RAD54B: variants seen among roughly 807,000 people sequenced by gnomAD.
The protein encoded by RAD54B is DNA repair and recombination protein RAD54B.
In RAD54B, 78 loss-of-function variants were observed where a neutral mutation model predicts 95.8. The ratio of observed to expected loss-of-function variants is 0.81; its 90% CI spans 0.68 to 0.98. The LOEUF (loss-of-function observed/expected upper bound fraction) is 0.98. Among genes scored for constraint, RAD54B ranks in the 50% least tolerant of loss-of-function variants. The pLI is 0.00. For missense variants in RAD54B, 957 were observed against 1,056.6 expected, an observed-to-expected ratio of 0.91 and a Z score of 1.31; for synonymous variants, 328 against 354.9, an observed-to-expected ratio of 0.92 and a Z score of 0.85.
rs1053043394 is a variant in RAD54B, at chr8:94,431,800, A to G, written c.305-20485T>C. The G allele has an allele frequency of 9.9e-6, 10 of 1,006,860 alleles. No homozygotes were observed. In the Admixed American group the frequency reaches 1.6e-4, roughly 17 times the overall value. 62.4% of individuals were successfully genotyped at this position (1,006,860 alleles called of 1,614,324 possible). A position where few individuals can be genotyped will look rare whatever the true frequency, so the allele number is the denominator to read the frequency against. On this transcript the variant is annotated intron_variant, in intron 3 of 14. Coordinates refer to ENST00000336148, the MANE Select transcript of RAD54B (RefSeq NM_012415.3). ...AATTATAGCTTTCAAAGTTCTAACTAAAAATGTTGAAGACTCAGAACTTTG... is the reference window on the plus strand; with the variant it reads ...AATTATAGCTTTCAAAGTTCTAACTGAAAATGTTGAAGACTCAGAACTTTG...
chr8:94,427,776 T>C (rs897900899), intron 3 of RAD54B: 3 of 961,602 alleles, frequency 3.1e-6, no homozygotes, highest in South Asian at 4.8e-5. Context: ...ACCATCATTA[T>C]CTACAGTATA....
chr8:94,422,767 T>C (rs1161389104), intron 3 of RAD54B, among the ~76,000 whole-genome samples: 2 of 143,144 alleles, frequency 1.4e-5, no homozygotes, highest in Non-Finnish European at 3.0e-5. Context: ...TATATATATA[T>C]ATATATATAA....
intron 2 of RAD54B, among the ~76,000 whole-genome samples, chr8:94,463,804 A>T (rs1007357343): frequency 7.9e-5 from 12 of 151,202 alleles, no homozygotes; most frequent in Non-Finnish European, 1.5e-5. Context: ...GGTCCCAGCT[A>T]CTTAGGAGAT....
Position 94,411,110 on chromosome 8 carries a change from T to C in RAD54B, c.499+11A>G, listed in dbSNP as rs1481633289. The C allele has an allele frequency of 6.3e-7, 1 of 1,578,388 alleles. No homozygotes were observed. The highest frequency in any genetic ancestry group is 8.6e-7 in the Non-Finnish European group (1 of 1,160,402). On this transcript the variant is annotated intron_variant, in intron 4 of 14. Transcript: ENST00000336148. ...AGGCCAAACTGTAAACATTAGGTAG[T>C]ATCATAATACCTCTTCCAATGTCTT...
At chr8:94,412,625 C>T (rs545840418) in intron 3 of RAD54B, among the ~76,000 whole-genome samples, 8 of 152,112 alleles carry the variant, frequency 5.3e-5, no homozygotes, top group South Asian at 2.1e-4. Flanking sequence ...ATGTCTTTTA[C>T]GTCATACACA....
intron 3 of RAD54B, among the ~76,000 whole-genome samples, chr8:94,434,892 T>TTG (rs915269615): frequency 8.6e-5 from 13 of 150,882 alleles, no homozygotes; most frequent in African/African-American, 3.1e-4. Context: ...AAAAGATTTT[T>TTG]TGTGTGTGAA....
At position 94,378,599 on chromosome 8, in the gene RAD54B, A is replaced by C; in HGVS notation, c.2283T>G (p.Tyr761Ter). 1 of 1,610,332 alleles carries C rather than the reference A, an allele frequency of 6.2e-7. No individual in the cohort carries two copies. Among genetic ancestry groups the C allele is most frequent in the Non-Finnish European group, 8.5e-7 (1 of 1,177,698 alleles). The change falls in exon 13 of 15, where the codon TAT (tyrosine) becomes TAG (stop). Residue 761 changes from tyrosine to a stop codon, truncating the protein, a stop_gained. Transcript: ENST00000336148. LOFTEE classifies it high-confidence loss of function. ...TTAGGAGTCTGTAAATATGTACAGG[A>C]TATTTCTGACCATCTCTCCATACTC... The part of the protein sequence containing the change: ...MSRVWRDGQK[Y>*]PVHIYRLLTT...
At chr8:94,392,899 T>C (rs2129989276) in intron 9 of RAD54B, among the ~76,000 whole-genome samples, 1 of 150,272 alleles carries the variant, frequency 6.7e-6, no homozygotes, top group South Asian at 2.1e-4. Context: ...TGCAGTGGCA[T>C]GATCTCAGCT....
intron 6 of RAD54B, among the ~76,000 whole-genome samples, chr8:94,402,968 G>T (rs1047850278): frequency 6.6e-6 from 1 of 152,138 alleles, no homozygotes; most frequent in African/African-American, 2.4e-5. Context: ...ATGTGAGAGA[G>T]AAGAAATCAA....
intron 12 of RAD54B, among the ~76,000 whole-genome samples, chr8:94,379,827 C>A (rs10504936): frequency 3.3e-5 from 5 of 151,972 alleles, no homozygotes; most frequent in Admixed American, 6.6e-5. Context: ...GTCATGAACA[C>A]CCTAAAGGCC....
Position 94,386,995 on chromosome 8 carries a change from T to C in RAD54B, c.1974A>G (p.Arg658=), listed in dbSNP as rs761517667. 2 of 1,596,790 alleles carry C rather than the reference T, an allele frequency of 1.3e-6. No individual in the cohort carries two copies. Among genetic ancestry groups the C allele is most frequent in the Non-Finnish European group, 1.7e-6 (2 of 1,174,842 alleles). ...SKLLAVIHEL[R]PTEKVVLVSN... is the part of the protein sequence containing the mutation. ...TAAATCGATCTTACTTTTCAGTAGG[T>C]CGAAGTTCGTGGATAACCGCTAAGA... Residue 658 remains arginine, a synonymous_variant, in exon 11 of 15, where the codon CGA becomes CGG. Coordinates refer to ENST00000336148, the MANE Select transcript of RAD54B (RefSeq NM_012415.3).
At position 94,391,548 on chromosome 8, in the gene RAD54B, T is replaced by TA. The variant is rs1185331514; in HGVS notation, c.1809+60dup. Reference sequence around the variant, plus strand: ...CAGAAATTAGCCCTGTCTGCCCTCTTAGATTCATATACTATAGAACCCTCA... The same window carrying TA: ...CAGAAATTAGCCCTGTCTGCCCTCTTAAGATTCATATACTATAGAACCCTCA... On this transcript the variant is annotated intron_variant, in intron 10 of 14. Coordinates refer to ENST00000336148, the MANE Select transcript of RAD54B (RefSeq NM_012415.3). The TA allele has an allele frequency of 3.3e-6, 5 of 1,507,130 alleles. No individual in the cohort carries two copies. The Admixed American group carries it at 6.5e-5, about 20-fold the overall frequency. The allele number at this position is 1,507,130 out of a possible 1,614,324, so 93.4% of individuals were successfully genotyped here. A position where few individuals can be genotyped will look rare whatever the true frequency, so the allele number is the denominator to read the frequency against.
chr8:94,384,699 A>C (rs528940608), intron 11 of RAD54B, among the ~76,000 whole-genome samples: 67 of 152,288 alleles, frequency 4.4e-4, no homozygotes, highest in African/African-American at 1.5e-3. Flanking sequence ...TTTTTTAAAG[A>C]AAAGGCGATC....
At chr8:94,462,157 A>G (rs553735409) in intron 2 of RAD54B, among the ~76,000 whole-genome samples, 11 of 152,186 alleles carry the variant, frequency 7.2e-5, no homozygotes, top group Non-Finnish European at 1.6e-4. Flanking sequence ...TGGGGCAAGA[A>G]TACAACAGTT....
At chr8:94,436,800 C>T (rs1812276298) in intron 3 of RAD54B, 2 of 1,549,332 alleles carry the variant, frequency 1.3e-6, no homozygotes, top group Non-Finnish European at 1.7e-6. Context: ...TCACATATGG[C>T]TTCACAAGCT....
intron 11 of RAD54B, among the ~76,000 whole-genome samples, chr8:94,385,552 G>A (rs1389776926): frequency 6.6e-6 from 1 of 152,090 alleles, no homozygotes; most frequent in Non-Finnish European, 1.5e-5. Context: ...ACAGAGGAGG[G>A]GAGTCTAACT....
At position 94,384,736 on chromosome 8, in the gene RAD54B, C is replaced by A. The variant is rs1276235560; in HGVS notation, c.1985+2248G>T. On this transcript the variant is annotated intron_variant, in intron 11 of 14. Coordinates refer to ENST00000336148, the MANE Select transcript of RAD54B (RefSeq NM_012415.3). ...CTTCAGATAATGTGAAGCAACAGAACAAAGACCCAGCCTGTGCCACTTATG... is the reference window on the plus strand; with the variant it reads ...CTTCAGATAATGTGAAGCAACAGAAAAAAGACCCAGCCTGTGCCACTTATG... 2.6e-5 allele frequency among the ~76,000 whole-genome samples: 4 copies of A among 152,092 alleles called. No individual in the cohort carries two copies. The East Asian group carries it at 7.7e-4, about 29-fold the overall frequency.
intron 3 of RAD54B, chr8:94,432,731 T>C: frequency 7.3e-7 from 1 of 1,376,208 alleles, no homozygotes; most frequent in Non-Finnish European, 9.4e-7. Flanking sequence ...ATAATTTTAA[T>C]TTAATGTACA....
intron 3 of RAD54B, chr8:94,429,265 G>T: frequency 2.0e-6 from 1 of 490,296 alleles, no homozygotes; most frequent in Non-Finnish European, 2.6e-6. Flanking sequence ...GATTGTAGCA[G>T]ACTATGTTTA....
Sources: gnomAD v4.1 joint callset for allele counts (sites outside exome capture counted in the v4.1 genomes callset) on GRCh38, gnomAD v4.1.1 for gene constraint, MANE v1.5 for transcripts, NCBI Gene and HGNC (gene_info 2026-07-23, HGNC 2026-07-21) for gene names.